Variants in ATAD5 observed in about 807,000 individuals in gnomAD.
The protein encoded by ATAD5 is ATPase family AAA domain containing 5, also known as ATPase family AAA domain-containing protein 5.
A neutral mutation model predicts 176.9 loss-of-function variants in ATAD5; 58 were observed. The observed-to-expected ratio is 0.33, with a 90% CI of 0.27 to 0.41. ATAD5 has a LOEUF of 0.41. Among genes scored for constraint, ATAD5 ranks in the 10% least tolerant of loss-of-function variants. ATAD5 has a pLI of 1.00. For synonymous variants in ATAD5, 640 were observed against 712.6 expected (o/e 0.90, Z 1.62); for missense variants, 1,789 against 2,094.1 (o/e 0.85, Z 2.84).
chr17:30,841,273 G>A (rs1906096169), intron 4 of ATAD5, among the ~76,000 whole-genome samples: 1 of 152,124 alleles, frequency 6.6e-6, no homozygotes, highest in Admixed American at 6.6e-5. Context: ...GCCTACTAGG[G>A]TGCCAGCCCT....
rs777768265 is a variant in ATAD5, at chr17:30,893,305, A to C, written c.4452A>C (p.Thr1484=). The C allele has an allele frequency of 1.9e-6, 3 of 1,571,002 alleles. No individual in the cohort carries two copies. Among genetic ancestry groups the C allele is most frequent in the South Asian group, 2.4e-5 (2 of 83,626 alleles). ...DLFSFLKHKI[T]MKEEWHKFIQ... is the part of the protein sequence containing the mutation. ...AAATTGTTTTTCAGCACAAAATCAC[A>C]ATGAAGGAAGAATGGCATAAATTCA... The change falls in exon 21 of 23, where the codon ACA becomes ACC. Residue 1484 remains threonine, a synonymous_variant. Coordinates refer to ENST00000321990, the MANE Select transcript of ATAD5 (RefSeq NM_024857.5).
intron 14 of ATAD5, among the ~76,000 whole-genome samples, chr17:30,874,599 CT>C: frequency 7.4e-6 from 1 of 134,450 alleles, no homozygotes; most frequent in East Asian, 2.0e-4. Flanking sequence ...AAATTGATAT[CT>C]GTTCAACTAT....
At chr17:30,876,668 G>A (rs1908697141) in intron 15 of ATAD5, 118 bp downstream of exon 15, 2 of 419,430 alleles carry the variant, frequency 4.8e-6, no homozygotes, top group Non-Finnish European at 8.2e-6. Context: ...CTACACTGAA[G>A]GTTCTACATG....
At position 30,879,345 on chromosome 17, in the gene ATAD5, A is replaced by G. The variant is rs1908873391; in HGVS notation, c.4013-78A>G. On this transcript the variant is annotated intron_variant, in intron 17 of 22. Coordinates refer to ENST00000321990, the MANE Select transcript of ATAD5 (RefSeq NM_024857.5). ...GGCGGGTGCTGAATATTTTCATAGA[A>G]AAGTATAACTTGAAAAAGTTATTTA... The G allele has an allele frequency of 2.6e-6, 4 of 1,517,958 alleles. No individual in the cohort carries two copies. The Admixed American group carries it at 7.3e-5, about 28-fold the overall frequency. 94.0% of individuals were successfully genotyped at this position (1,517,958 alleles called of 1,614,324 possible). A position where few individuals can be genotyped will look rare whatever the true frequency, so the allele number is the denominator to read the frequency against.
At position 30,831,996 on chromosome 17, in the gene ATAD5, CAAG is replaced by C; in HGVS notation, c.-349_-347del. 2.9e-6 allele frequency: 1 copy of C among 345,254 alleles called. No individual in the cohort carries two copies. Among genetic ancestry groups the C allele is most frequent in the East Asian group, 4.3e-5 (1 of 23,154 alleles). 21.4% of individuals were successfully genotyped at this position (345,254 alleles called of 1,614,324 possible). A position where few individuals can be genotyped will look rare whatever the true frequency, so the allele number is the denominator to read the frequency against. ...CAGGACGGCGCGAAAACCCAATTGACAAGAATTCCCTCCGAAGCTCTGTGGTCC... is the reference window on the plus strand; with the variant it reads ...CAGGACGGCGCGAAAACCCAATTGACAATTCCCTCCGAAGCTCTGTGGTCC... On this transcript the variant is annotated 5_prime_UTR_variant, in exon 1 of 23. Transcript: ENST00000321990.
intron 18 of ATAD5, among the ~76,000 whole-genome samples, chr17:30,885,351 T>C (rs1224293347): frequency 6.6e-6 from 1 of 152,064 alleles, no homozygotes; most frequent in African/African-American, 2.4e-5. Context: ...TGTCAGTTTC[T>C]TAGGTTTTTC....
In ATAD5 at chr17:30,832,107, G is replaced by A; in HGVS notation, c.-241G>A. 1 of 393,830 alleles carries A rather than the reference G, an allele frequency of 2.5e-6. No homozygotes were observed. The highest frequency in any genetic ancestry group is 3.7e-5 in the East Asian group (1 of 27,262). The allele number at this position is 393,830 out of a possible 1,614,324, so 24.4% of individuals were successfully genotyped here. A position where few individuals can be genotyped will look rare whatever the true frequency, so the allele number is the denominator to read the frequency against. ...CTTTCGAGGGCACCCTGCATACACT[G>A]GCCGCGCCTCAGGGATCTCATTGCC... On this transcript the variant is annotated 5_prime_UTR_variant, in exon 1 of 23. Transcript: ENST00000321990.
intron 6 of ATAD5, among the ~76,000 whole-genome samples, chr17:30,852,145 A>G (rs1907009636): frequency 6.6e-6 from 1 of 152,042 alleles, no homozygotes; most frequent in Admixed American, 6.6e-5. Flanking sequence ...TTGTCTCCTC[A>G]GTTTATCTAT....
In ATAD5 at chr17:30,887,233, G is replaced by A. The variant is rs147173516; in HGVS notation, c.4119G>A (p.Glu1373=). Reference sequence around the variant, plus strand: ...ACCTACAAATGATTTGCTTAACTGAGAATTTTAGAACTGATGTAAAAGACT... The same window carrying A: ...ACCTACAAATGATTTGCTTAACTGAAAATTTTAGAACTGATGTAAAAGACT... ...ASYLQMICLT[E]NFRTDVKDFV... is the part of the protein sequence containing the mutation. Residue 1373 remains glutamate (E), a synonymous_variant, in exon 19 of 23, where the codon GAG becomes GAA. Transcript: ENST00000321990. The A allele has an allele frequency of 1.3e-3, 2,036 of 1,595,716 alleles. 22 individuals carry two copies. The African/African-American group carries it at 0.024, about 19-fold the overall frequency.
intron 19 of ATAD5, among the ~76,000 whole-genome samples, chr17:30,891,698 C>T (rs1909647524): frequency 6.8e-6 from 1 of 147,268 alleles, no homozygotes; most frequent in Non-Finnish European, 1.5e-5. Context: ...TTTTTCTTCC[C>T]CCTTTGAGTT....
intron 18 of ATAD5, among the ~76,000 whole-genome samples, chr17:30,881,442 G>A (rs1909006834): frequency 6.6e-6 from 1 of 152,146 alleles, no homozygotes; most frequent in Non-Finnish European, 1.5e-5. Flanking sequence ...TGGGATTGGA[G>A]ACGCACACCA....
chr17:30,836,744 TTTTA>T (rs1905770868), intron 2 of ATAD5, among the ~76,000 whole-genome samples: 1 of 151,832 alleles, frequency 6.6e-6, no homozygotes, highest in African/African-American at 2.4e-5. Context: ...ATCTTTGTAT[TTTTA>T]GTAGAGACGG....
At position 30,832,136 on chromosome 17, in the gene ATAD5, G is replaced by A; in HGVS notation, c.-212G>A. 2.5e-6 allele frequency: 1 copy of A among 400,356 alleles called. No individual in the cohort carries two copies. Among genetic ancestry groups the A allele is most frequent in the Middle Eastern group, 6.4e-4 (1 of 1,574 alleles). The allele number at this position is 400,356 out of a possible 1,614,324, so 24.8% of individuals were successfully genotyped here. On this transcript the variant is annotated 5_prime_UTR_variant, in exon 1 of 23. Coordinates refer to ENST00000321990, the MANE Select transcript of ATAD5 (RefSeq NM_024857.5). ...GCGCCTCAGGGATCTCATTGCCCGC[G>A]CTTTCTCATTGCCTCTTTCCGTGTT...
Position 30,877,472 on chromosome 17 carries a change from A to G in ATAD5, c.3841A>G (p.Thr1281Ala), listed in dbSNP as rs887037251. 12 of 1,595,440 alleles carry G rather than the reference A, an allele frequency of 7.5e-6. No homozygotes were observed. The highest frequency in any genetic ancestry group is 1.0e-5 in the Non-Finnish European group (12 of 1,165,174). ...QITQTKSTNA[T>A]NSNVKDVGAE... ...TACTCAGACTAAATCTACAAATGCA[A>G]CTAATTCAAATGTCAAAGACGTTGG... Residue 1281 changes from threonine (T) to alanine (A), a missense_variant, in exon 16 of 23, where the codon ACT becomes GCT. Thr to Ala is a moderately conservative substitution (Grantham distance 58). This residue lies in a region of ATAD5 where 194 missense variants were observed against 270.1 expected (regional missense o/e 0.72). Coordinates refer to ENST00000321990, the MANE Select transcript of ATAD5 (RefSeq NM_024857.5).
chr17:30,834,019 C>CA (rs1905536910), intron 1 of ATAD5, 129 bp from the exon 2 acceptor site: 1 of 775,018 alleles, frequency 1.3e-6, no homozygotes, highest in South Asian at 3.4e-5. Context: ...TCTAATATAT[C>CA]ACGTTTTTCA....
chr17:30,836,643 C>T (rs753791169), intron 2 of ATAD5, among the ~76,000 whole-genome samples: 21 of 152,194 alleles, frequency 1.4e-4, no homozygotes, highest in South Asian at 4.1e-4. Flanking sequence ...TCTCAGCTCA[C>T]GACAACCTCC....
rs1905575777 is a variant in ATAD5, at chr17:30,834,412, A to G, written c.331A>G (p.Lys111Glu). The change falls in exon 2 of 23, where the codon AAG becomes GAG. Residue 111 changes from lysine (K) to glutamate (E), a missense_variant. By Grantham distance (56) the Lys-to-Glu change is moderately conservative. This residue lies in a region of ATAD5 where 696 missense variants were observed against 712.5 expected (regional missense o/e 0.98). Coordinates refer to ENST00000321990, the MANE Select transcript of ATAD5 (RefSeq NM_024857.5). ...GGAAATGTTCTCAAATGTAGAGTTT[A>G]AGAAGAAAAGAAAGAGGGTTAATTT... ...PLEMFSNVEF[K>E]KKRKRVNLSH... is the part of the protein sequence containing the mutation. 1.3e-6 allele frequency: 2 copies of G among 1,599,580 alleles called. No individual in the cohort carries two copies. Among genetic ancestry groups the G allele is most frequent in the Non-Finnish European group, 1.7e-6 (2 of 1,174,410 alleles).
At chr17:30,861,750 G>C (rs1484853688) in intron 10 of ATAD5, 1 of 151,560 alleles carries the variant, frequency 6.6e-6, no homozygotes, top group Non-Finnish European at 1.5e-5. Context: ...GACCTCAAAT[G>C]ATCTGCCCAC....
intron 4 of ATAD5, among the ~76,000 whole-genome samples, chr17:30,843,334 A>C (rs1906248103): frequency 6.6e-6 from 1 of 151,744 alleles, no homozygotes; most frequent in Non-Finnish European, 1.5e-5. Context: ...CTTGGGTGGC[A>C]GAGTGAGACC....
Sources: allele counts gnomAD v4.1 joint callset (sites outside exome capture counted in the v4.1 genomes callset), GRCh38; gene constraint gnomAD v4.1.1; regional missense constraint gnomAD v4.1.1; transcripts MANE v1.5; gene names NCBI Gene and HGNC (gene_info 2026-07-23, HGNC 2026-07-21).